The following PRRC2B variants were observed in gnomAD, a reference collection of about 807,000 sequenced individuals.
PRRC2B encodes protein PRRC2B.
In PRRC2B, 68 loss-of-function variants were observed where a neutral mutation model predicts 242.3. The observed-to-expected ratio is 0.28, with a 90% CI of 0.23 to 0.34. PRRC2B has a LOEUF of 0.34. Ranked by LOEUF, PRRC2B falls within the 10% of genes least tolerant of loss-of-function variation. The probability of loss-of-function intolerance (pLI) is 1.00; values close to 1 mark genes in which losing one functional copy is unlikely to be tolerated. For missense variants in PRRC2B, 2,835 were observed against 2,954.8 expected (o/e 0.96, Z 0.94); for synonymous variants, 1,228 against 1,173.6 (o/e 1.05, Z -0.95).
chr9:131,475,063 G>A lies in PRRC2B; in HGVS notation c.2934G>A (p.Glu978=), dbSNP rs772252619. 4.3e-6 allele frequency: 7 copies of A among 1,610,884 alleles called. No individual in the cohort carries two copies. In the Admixed American group the frequency reaches 1.2e-4, roughly 27 times the overall value. The change falls in exon 16 of 32, where the codon GAG becomes GAA. Residue 978 remains glutamate, a synonymous_variant. Transcript: ENST00000683519. ...EESTRLAKEK[E]QSPTAEKDED... is the part of the protein sequence containing the mutation. The stretch of plus-strand genomic sequence containing the variant: ...GTACCCGGCTGGCCAAGGAGAAGGA[G>A]CAGAGCCCCACGGCAGAAAAGGATG...
At position 131,475,835 on chromosome 9, in the gene PRRC2B, T is replaced by A; in HGVS notation, c.3706T>A (p.Trp1236Arg). ...GCAGAGCAAAAGTCCAGGCAGCTCT[T>A]GGCAGGAATATGGCCCTTCCGACAC... ...HWQSKSPGSSWQEYGPSDTCG... is the reference protein window; with the variant it reads ...HWQSKSPGSSRQEYGPSDTCG... Residue 1236 changes from tryptophan to arginine, a missense_variant, in exon 16 of 32, where the codon TGG (tryptophan) becomes AGG (arginine). By Grantham distance (101) the Trp-to-Arg change is moderately radical (BLOSUM62 -3). Transcript: ENST00000683519. The A allele has an allele frequency of 6.2e-7, 1 of 1,612,964 alleles. No individual in the cohort carries two copies.
At chr9:131,481,527 G>A (rs1381799169) in intron 19 of PRRC2B, among the ~76,000 whole-genome samples, 199 bp from the exon 20 acceptor site, 1 of 152,050 alleles carries the variant, frequency 6.6e-6, no homozygotes, top group African/African-American at 2.4e-5. Flanking sequence ...GTGGAAAGTT[G>A]GGTAAGGCTG....
intron 1 of PRRC2B, among the ~76,000 whole-genome samples, chr9:131,412,878 A>G (rs1388876492): frequency 6.7e-6 from 1 of 149,286 alleles, no homozygotes; most frequent in Non-Finnish European, 1.5e-5. Flanking sequence ...ACTGCAGCCT[A>G]AAACTCCTGG....
chr9:131,455,036 C>T, intron 9 of PRRC2B, 40 bp from the exon 10 acceptor site: 6 of 1,532,800 alleles, frequency 3.9e-6, no homozygotes, highest in Non-Finnish European at 5.4e-6. Context: ...CTGACTTTTT[C>T]ATTCTTTCTC....
At chr9:131,443,888 C>T (rs574875086) in intron 5 of PRRC2B, among the ~76,000 whole-genome samples, 6 of 152,294 alleles carry the variant, frequency 3.9e-5, no homozygotes, top group African/African-American at 1.4e-4. Flanking sequence ...GTCAGTAGAA[C>T]CTTCCCTGCT....
intron 18 of PRRC2B, 106 bp from the exon 19 acceptor site, chr9:131,479,146 G>T: frequency 8.7e-7 from 1 of 1,155,842 alleles, no homozygotes; most frequent in Non-Finnish European, 1.3e-6. Context: ...CATCTCTGGA[G>T]CATTTTCAGG....
intron 1 of PRRC2B, among the ~76,000 whole-genome samples, chr9:131,374,822 C>T (rs1836663050): frequency 6.6e-6 from 1 of 152,102 alleles, no homozygotes; most frequent in Non-Finnish European, 1.5e-5. Context: ...CCACCATGCC[C>T]AGCCGATTTT....
chr9:131,449,804 G>A (rs778872208), intron 9 of PRRC2B, among the ~76,000 whole-genome samples: 7 of 152,078 alleles, frequency 4.6e-5, no homozygotes, highest in Non-Finnish European at 8.8e-5. Flanking sequence ...TTAAAAAAAT[G>A]TTTGCTTCCC....
chr9:131,495,177 C>T (rs1296118108), intron 31 of PRRC2B, among the ~76,000 whole-genome samples: 3 of 152,082 alleles, frequency 2.0e-5, no homozygotes, highest in Non-Finnish European at 4.4e-5. Flanking sequence ...GTGACTTCCC[C>T]ACCCCACTCC....
rs1943967776 is a variant in PRRC2B at position 131,484,725 on chromosome 9, C to G, written c.5500C>G (p.His1834Asp). 7 of 1,612,872 alleles carry G rather than the reference C, an allele frequency of 4.3e-6. No individual in the cohort carries two copies. Among genetic ancestry groups the G allele is most frequent in the Non-Finnish European group, 5.9e-6 (7 of 1,179,340 alleles). Reference protein sequence around the residue: ...TQSIPILRRDHHIQRAIGLSP... With the variant: ...TQSIPILRRDDHIQRAIGLSP... ...GAGTATCCCCATCCTGCGGCGGGAC[C>G]ATCACATCCAGAGGGCCATCGGTCT... The change falls in exon 24 of 32, where the codon CAT (histidine) becomes GAT (aspartate). Residue 1834 changes from histidine (H) to aspartate (D), a missense_variant. Physicochemically the swap from His to Asp is moderately conservative, Grantham distance 81. This residue lies in a region of PRRC2B where 574 missense variants were observed against 626.0 expected (regional missense o/e 0.92). Coordinates refer to ENST00000683519, the MANE Select transcript of PRRC2B (RefSeq NM_013318.4).
intron 2 of PRRC2B, among the ~76,000 whole-genome samples, chr9:131,430,561 A>ATGTGTGTGTGTG (rs200517031): frequency 0.02 from 2,368 of 118,626 alleles, 54 homozygotes; most frequent in African/African-American, 0.053. Flanking sequence ...GTGTGTGTGT[A>ATGTGTGTGTGTG]TGTGTGTGTG....
rs577229042 is a variant in PRRC2B, at chr9:131,408,399, G to A, written c.-52+14136G>A. ...GGGACATGTTCAGTTGGACATTTCC[G>A]TAGGGAAATGGGTAAATAAAATACG... On this transcript the variant is annotated intron_variant, in intron 1 of 31. Transcript: ENST00000683519. 1.4e-4 allele frequency among the ~76,000 whole-genome samples: 21 copies of A among 152,366 alleles called. No individual in the cohort carries two copies. In the South Asian group the frequency reaches 3.3e-3, roughly 24 times the overall value.
intron 1 of PRRC2B, among the ~76,000 whole-genome samples, chr9:131,399,320 C>G (rs1467156253): frequency 2.7e-5 from 4 of 148,924 alleles, no homozygotes; most frequent in African/African-American, 1.0e-4. Flanking sequence ...TGGCTCACAC[C>G]TATAATCCCA....
At chr9:131,382,297 G>A (rs931757486) in intron 1 of PRRC2B, among the ~76,000 whole-genome samples, 11 of 152,144 alleles carry the variant, frequency 7.2e-5, no homozygotes, top group Non-Finnish European at 1.5e-4. Context: ...GATTACAGAC[G>A]TGAGCTACCA....
At position 131,436,659 on chromosome 9, in the gene PRRC2B, G is replaced by A. The variant is rs199695338; in HGVS notation, c.333G>A (p.Pro111=). The part of the protein sequence containing the change: ...ATASQPPESL[P]QPGLQKSVSN... ...CCTCTCAGCCGCCGGAGTCGCTGCC[G>A]CAGCCGGGTTTGCAGAAATCTGTCT... The change falls in exon 4 of 32, where the codon CCG becomes CCA. Residue 111 remains proline (P), a synonymous_variant. Coordinates refer to ENST00000683519, the MANE Select transcript of PRRC2B (RefSeq NM_013318.4). 6.2e-5 allele frequency: 100 copies of A among 1,613,978 alleles called. 1 individual carries two copies. In the African/African-American group the frequency reaches 7.9e-4, roughly 13 times the overall value.
At chr9:131,438,845 C>T in intron 4 of PRRC2B, 144 bp from the exon 5 acceptor site, 2 of 644,124 alleles carry the variant, frequency 3.1e-6, no homozygotes. Flanking sequence ...CAGGGCTTTG[C>T]TGCTGCTCAG....
At position 131,495,867 on chromosome 9, in the gene PRRC2B, A is replaced by G; in HGVS notation, c.6683A>G (p.Lys2228Arg). The part of the protein sequence containing the change: ...KPRAVKVEES[K>R]A ...CGGGCTGTCAAAGTGGAGGAGAGTAAGGCCTGACAGTGCCTGGCTGCCACC... is the reference window on the plus strand; with the variant it reads ...CGGGCTGTCAAAGTGGAGGAGAGTAGGGCCTGACAGTGCCTGGCTGCCACC... The change falls in exon 32 of 32, where the codon AAG becomes AGG. Residue 2228 changes from lysine (K) to arginine (R), a missense_variant. Lys to Arg is a conservative substitution (Grantham distance 26, BLOSUM62 2). Transcript: ENST00000683519. 3 of 1,602,510 alleles carry G rather than the reference A, an allele frequency of 1.9e-6. No individual in the cohort carries two copies. The highest frequency in any genetic ancestry group is 2.6e-6 in the Non-Finnish European group (3 of 1,170,702).
Position 131,377,457 on chromosome 9 carries a change from G to A in PRRC2B, c.-56+3726G>A, listed in dbSNP as rs1836702222. Among the ~76,000 whole-genome samples, 4 of 152,202 alleles carry A rather than the reference G, an allele frequency of 2.6e-5. No homozygotes were observed. In the South Asian group the frequency reaches 8.3e-4, roughly 32 times the overall value. On this transcript the variant is annotated intron_variant, in intron 1 of 1. Coordinates refer to the PRRC2B transcript ENST00000682525. ...TTATACCTCCACAATTGTACTTTTG[G>A]AGGATATGGTCTTTTGTGATGGCAT... is the stretch of plus-strand genomic sequence containing the variant.
At chr9:131,413,060 T>C (rs1343478159) in intron 1 of PRRC2B, among the ~76,000 whole-genome samples, 1 of 152,252 alleles carries the variant, frequency 6.6e-6, no homozygotes, top group African/African-American at 2.4e-5. Flanking sequence ...CTTAAATATC[T>C]GCTAGCTGTA....
Sources: allele counts gnomAD v4.1 joint callset (sites outside exome capture counted in the v4.1 genomes callset), GRCh38; gene constraint gnomAD v4.1.1; regional missense constraint gnomAD v4.1.1; transcripts MANE v1.5; gene names NCBI Gene and HGNC (gene_info 2026-07-23, HGNC 2026-07-21).